The following CACNG3 variants were observed in gnomAD, a reference collection of about 807,000 sequenced individuals.
CACNG3 encodes voltage-dependent calcium channel gamma-3 subunit.
In CACNG3, 3 loss-of-function variants were observed where a neutral mutation model predicts 28.5. The observed-to-expected ratio is 0.11, with a 90% CI of 0.05 to 0.27. The LOEUF is 0.27. Among genes scored for constraint, CACNG3 ranks in the 10% least tolerant of loss-of-function variants. The probability of loss-of-function intolerance (pLI) is 1.00; values close to 1 mark genes in which losing one functional copy is unlikely to be tolerated. For synonymous variants in CACNG3, 174 were observed against 162.2 expected (o/e 1.07, Z -0.55); for missense variants, 236 against 414.4 (o/e 0.57, Z 3.74).
intron 3 of CACNG3, among the ~76,000 whole-genome samples, chr16:24,357,419 G>A (rs1045009109): frequency 2.0e-5 from 3 of 152,042 alleles, no homozygotes; most frequent in African/African-American, 7.2e-5. Context: ...ATCAGAGACT[G>A]AACAGAGAAA....
At chr16:24,323,614 G>T (rs938835606) in intron 1 of CACNG3, among the ~76,000 whole-genome samples, 2 of 152,212 alleles carry the variant, frequency 1.3e-5, no homozygotes, top group Non-Finnish European at 2.9e-5. Flanking sequence ...TGATACTGAG[G>T]TTGGATCACA....
At chr16:24,304,818 T>C (rs1477362535) in intron 1 of CACNG3, among the ~76,000 whole-genome samples, 1 of 152,146 alleles carries the variant, frequency 6.6e-6, no homozygotes, top group Admixed American at 6.5e-5. Context: ...CGCCTCATCC[T>C]CCCAAAGTGC....
At chr16:24,259,908 G>A (rs1421268523) in intron 1 of CACNG3, among the ~76,000 whole-genome samples, 2 of 152,142 alleles carry the variant, frequency 1.3e-5, no homozygotes, top group East Asian at 1.9e-4. Flanking sequence ...ATTATCAGGG[G>A]CTCCACAACT....
chr16:24,330,867 A>G (rs752677024), intron 1 of CACNG3, among the ~76,000 whole-genome samples: 11 of 152,226 alleles, frequency 7.2e-5, no homozygotes, highest in Admixed American at 1.3e-4. Context: ...CAGTGAAATG[A>G]TCAGGGTGAC....
chr16:24,354,036 T>C (rs1899995393), intron 2 of CACNG3, among the ~76,000 whole-genome samples: 1 of 151,818 alleles, frequency 6.6e-6, no homozygotes, highest in South Asian at 2.1e-4. Context: ...CTACAAAAAA[T>C]ACAAAAATCA....
At position 24,266,106 on chromosome 16, in the gene CACNG3, G is replaced by A. The variant is rs150422224; in HGVS notation, c.211+9141G>A. On this transcript the variant is annotated intron_variant, in intron 1 of 3. Transcript: ENST00000005284. ...GGTCTGATTTTCCCCCTCTCATGGT[G>A]TCCAGGAAAATGTAGCCCTTGTCCA... 3.9e-3 allele frequency among the ~76,000 whole-genome samples: 594 copies of A among 152,242 alleles called. 3 individuals carry two copies. The highest frequency in any genetic ancestry group is 0.014 in the African/African-American group (586 of 41,528).
chr16:24,280,433 T>C (rs1898810049), intron 1 of CACNG3, among the ~76,000 whole-genome samples: 1 of 152,192 alleles, frequency 6.6e-6, no homozygotes, highest in South Asian at 2.1e-4. Context: ...ACGCCCATCA[T>C]TCGGATGAAG....
chr16:24,281,190 T>C (rs1898822243), intron 1 of CACNG3, among the ~76,000 whole-genome samples: 1 of 152,040 alleles, frequency 6.6e-6, no homozygotes, highest in Non-Finnish European at 1.5e-5. Flanking sequence ...TTCTGTTTTG[T>C]TGTTGTTGTT....
chr16:24,294,685 G>C (rs1387510100), intron 1 of CACNG3, among the ~76,000 whole-genome samples: 1 of 152,176 alleles, frequency 6.6e-6, no homozygotes, highest in Non-Finnish European at 1.5e-5. Context: ...ACAGGCATGA[G>C]CCACTGTACC....
chr16:24,278,446 T>C (rs1273913070), intron 1 of CACNG3, among the ~76,000 whole-genome samples: 1 of 152,018 alleles, frequency 6.6e-6, no homozygotes, highest in Non-Finnish European at 1.5e-5. Context: ...TGAAATCCCA[T>C]CTCTACTGAA....
chr16:24,330,591 G>T (rs1023303800), intron 1 of CACNG3, among the ~76,000 whole-genome samples: 6 of 152,222 alleles, frequency 3.9e-5, no homozygotes, highest in Non-Finnish European at 7.3e-5. Context: ...TCAGGGCATT[G>T]TGTAGGTAGG....
At chr16:24,293,094 C>A (rs1049334041) in intron 1 of CACNG3, among the ~76,000 whole-genome samples, 1 of 152,218 alleles carries the variant, frequency 6.6e-6, no homozygotes. Flanking sequence ...ATCTCAGCCA[C>A]TGAGGACGTG....
intron 1 of CACNG3, among the ~76,000 whole-genome samples, chr16:24,340,648 A>G (rs560088195): frequency 1.7e-4 from 26 of 152,302 alleles, no homozygotes; most frequent in African/African-American, 5.8e-4. Context: ...CCAGAGACGA[A>G]CTATTAGTAC....
chr16:24,305,938 G>T (rs1434167703), intron 1 of CACNG3, among the ~76,000 whole-genome samples: 1 of 152,176 alleles, frequency 6.6e-6, no homozygotes, highest in African/African-American at 2.4e-5. Context: ...CTCCCAAAGT[G>T]CTGGGATTGC....
At chr16:24,260,461 G>C (rs764409807) in intron 1 of CACNG3, among the ~76,000 whole-genome samples, 1 of 152,186 alleles carries the variant, frequency 6.6e-6, no homozygotes. Context: ...TTACAGATGA[G>C]GAAACTGAGC....
At chr16:24,278,678 T>C (rs1335149149) in intron 1 of CACNG3, among the ~76,000 whole-genome samples, 6 of 152,114 alleles carry the variant, frequency 3.9e-5, no homozygotes, top group Non-Finnish European at 7.3e-5. Flanking sequence ...TGTGCCAGCT[T>C]CTATGCTAAA....
rs1359549214 is a variant in CACNG3 at position 24,330,539 on chromosome 16, G to T, written c.212-16195G>T. 5.3e-5 allele frequency among the ~76,000 whole-genome samples: 8 copies of T among 152,288 alleles called. No homozygotes were observed. In the South Asian group the frequency reaches 1.7e-3, roughly 32 times the overall value. ...AGCCTCTGCTATGCATCAGAATCTT[G>T]GAGAAACCTGTTCAAAAACACAGGT... On this transcript the variant is annotated intron_variant, in intron 1 of 3. Transcript: ENST00000005284.
In CACNG3 at chr16:24,361,867, G is replaced by A; in HGVS notation, c.*4G>A. 6.3e-7 allele frequency: 1 copy of A among 1,593,608 alleles called. No individual in the cohort carries two copies. Among genetic ancestry groups the A allele is most frequent in the Non-Finnish European group, 8.5e-7 (1 of 1,173,224 alleles). ...CAGGCGCACCACGCCCGTCTGAACT[G>A]ACCTCTGACCTCTGCCCCACGCCCA... On this transcript the variant is annotated 3_prime_UTR_variant, in exon 4 of 4. Transcript: ENST00000005284. This position sits in a 1 kb window ranked among gnomAD's most constrained non-coding sequence, Gnocchi z 6.8.
At chr16:24,282,116 T>C (rs1898836277) in intron 1 of CACNG3, among the ~76,000 whole-genome samples, 1 of 152,184 alleles carries the variant, frequency 6.6e-6, no homozygotes, top group Non-Finnish European at 1.5e-5. Context: ...AAACATGACT[T>C]TATTTTTCCT....
Sources: allele counts gnomAD v4.1 joint callset (sites outside exome capture counted in the v4.1 genomes callset), GRCh38; gene constraint gnomAD v4.1.1; non-coding constraint Gnocchi (gnomAD v3.1); transcripts MANE v1.5; gene names NCBI Gene and HGNC (gene_info 2026-07-23, HGNC 2026-07-21).